Variants in FOXP1 observed in about 807,000 individuals in gnomAD.
FOXP1 encodes the protein forkhead box P1, also known as forkhead box protein P1.
In FOXP1, 15 loss-of-function variants were observed where a neutral mutation model predicts 98.2. That is an observed-to-expected ratio of 0.15 (90% confidence interval 0.10 to 0.24). The LOEUF (loss-of-function observed/expected upper bound fraction) is 0.24. FOXP1 is among the 10% of genes least tolerant of loss of function. FOXP1 has a pLI of 1.00. For synonymous variants in FOXP1, 371 were observed against 314.5 expected (o/e 1.18, Z -1.90); for missense variants, 633 against 848.5 (o/e 0.75, Z 3.15).
intron 6 of FOXP1, among the ~76,000 whole-genome samples, chr3:71,179,116 A>C (rs1173709933): frequency 1.3e-5 from 2 of 148,868 alleles, no homozygotes; most frequent in Admixed American, 1.4e-4. Flanking sequence ...ACCATGTTGG[A>C]AGTTTCCTCT....
chr3:71,067,454 A>C (rs2052654816), intron 7 of FOXP1, among the ~76,000 whole-genome samples: 1 of 152,202 alleles, frequency 6.6e-6, no homozygotes, highest in Non-Finnish European at 1.5e-5. Context: ...GTCATTTTAG[A>C]AAAGCTGAAT....
intron 2 of FOXP1, among the ~76,000 whole-genome samples, chr3:71,578,873 C>T (rs1367333334): frequency 6.6e-6 from 1 of 152,150 alleles, no homozygotes; most frequent in Admixed American, 6.5e-5. Flanking sequence ...TTAACTTTTG[C>T]TATTATAAGT....
chr3:71,097,136 C>A (rs976539392), intron 7 of FOXP1, among the ~76,000 whole-genome samples: 1 of 152,156 alleles, frequency 6.6e-6, no homozygotes, highest in Non-Finnish European at 1.5e-5. Flanking sequence ...CATATCCAGT[C>A]ATCTAAAGCA....
rs2059982549 is a variant in FOXP1, at chr3:71,139,788, C to T, written c.181-27151G>A. ...CAGTCTGCATTTACTGAAACAGACT[C>T]TTTCGCTATTATGTGTTAAGGAATG... On this transcript the variant is annotated intron_variant, in intron 6 of 20. Transcript: ENST00000649528. Among the ~76,000 whole-genome samples the T allele has an allele frequency of 2.0e-5, 3 of 152,150 alleles. No individual in the cohort carries two copies. In the South Asian group the frequency reaches 6.2e-4, roughly 31 times the overall value.
intron 7 of FOXP1, among the ~76,000 whole-genome samples, chr3:71,064,457 A>G (rs994268190): frequency 2.6e-5 from 4 of 152,042 alleles, no homozygotes; most frequent in Admixed American, 2.0e-4. Context: ...GCAAACGAAA[A>G]AGAGAGAGAG....
chr3:71,151,568 C>A (rs1035222046), intron 6 of FOXP1, among the ~76,000 whole-genome samples: 5 of 152,008 alleles, frequency 3.3e-5, no homozygotes, highest in Admixed American at 6.6e-5. Flanking sequence ...AGGGATATAG[C>A]CACCTCTGCA....
intron 3 of FOXP1, among the ~76,000 whole-genome samples, chr3:71,484,343 T>A (rs1207783704): frequency 1.3e-5 from 2 of 152,136 alleles, no homozygotes; most frequent in African/African-American, 2.4e-5. Context: ...AAGTAAAAAC[T>A]CTAATACTTA....
intron 2 of FOXP1, among the ~76,000 whole-genome samples, chr3:71,533,530 G>T (rs1175265642): frequency 6.6e-6 from 1 of 152,108 alleles, no homozygotes; most frequent in Non-Finnish European, 1.5e-5. Context: ...TCTACAGTAA[G>T]CTCTGGTAGT....
chr3:71,527,133 T>C (rs2043454624), intron 2 of FOXP1, among the ~76,000 whole-genome samples: 1 of 152,050 alleles, frequency 6.6e-6, no homozygotes, highest in South Asian at 2.1e-4. Flanking sequence ...AGGCAAGGTA[T>C]CAGCTCCTAC....
intron 3 of FOXP1, among the ~76,000 whole-genome samples, chr3:71,370,472 T>C (rs1469447378): frequency 6.6e-6 from 1 of 152,160 alleles, no homozygotes; most frequent in Non-Finnish European, 1.5e-5. Flanking sequence ...CCTTTAGAAA[T>C]ATAATTATCC....
intron 2 of FOXP1, among the ~76,000 whole-genome samples, chr3:71,530,352 C>A (rs539295124): frequency 1.8e-4 from 27 of 152,216 alleles, no homozygotes; most frequent in Admixed American, 2.0e-4. Flanking sequence ...ACGTGATAAC[C>A]CAAAAGGCCC....
chr3:71,521,549 G>A (rs1252028908), intron 2 of FOXP1, among the ~76,000 whole-genome samples: 6 of 151,344 alleles, frequency 4.0e-5, no homozygotes, highest in Non-Finnish European at 1.5e-5. Flanking sequence ...GCAGGGGGAG[G>A]GGGGGGACCT....
At chr3:71,045,107 A>AACATTT (rs2048847292) in intron 10 of FOXP1, among the ~76,000 whole-genome samples, 1 of 152,208 alleles carries the variant, frequency 6.6e-6, no homozygotes, top group African/African-American at 2.4e-5. Context: ...TGACACCAGA[A>AACATTT]ATATTTATAT....
At chr3:71,032,885 G>A (rs1194843900) in intron 11 of FOXP1, among the ~76,000 whole-genome samples, 1 of 152,096 alleles carries the variant, frequency 6.6e-6, no homozygotes, top group East Asian at 1.9e-4. Flanking sequence ...CAAAGGGAAG[G>A]CCCTTGACTT....
intron 7 of FOXP1, among the ~76,000 whole-genome samples, chr3:71,112,137 C>T (rs1402276092): frequency 6.6e-6 from 1 of 151,768 alleles, no homozygotes; most frequent in Non-Finnish European, 1.5e-5. Context: ...GGGGGGTCGC[C>T]AAAATCTTCC....
intron 12 of FOXP1, among the ~76,000 whole-genome samples, chr3:71,004,067 G>A (rs1256435547): frequency 7.6e-6 from 1 of 130,794 alleles, no homozygotes; most frequent in Non-Finnish European, 1.6e-5. Context: ...CAGCATTGTG[G>A]ACTTTAAGTG....
chr3:71,514,616 T>G (rs1363676428), intron 2 of FOXP1, among the ~76,000 whole-genome samples: 1 of 152,246 alleles, frequency 6.6e-6, no homozygotes, highest in African/African-American at 2.4e-5. Flanking sequence ...GGAGTGGACA[T>G]TCTGTGAAGG....
At chr3:71,173,832 T>C (rs1329134805) in intron 6 of FOXP1, among the ~76,000 whole-genome samples, 1 of 152,082 alleles carries the variant, frequency 6.6e-6, no homozygotes, top group Non-Finnish European at 1.5e-5. Context: ...AAAACCACAA[T>C]GAAGGAAGCT....
At chr3:71,118,657 G>A (rs1361148662) in intron 6 of FOXP1, among the ~76,000 whole-genome samples, 2 of 152,106 alleles carry the variant, frequency 1.3e-5, no homozygotes, top group Non-Finnish European at 2.9e-5. Context: ...ATAGCCCGTG[G>A]ACCAAATTCG....
Sources: allele counts gnomAD v4.1 joint callset (sites outside exome capture counted in the v4.1 genomes callset), GRCh38; gene constraint gnomAD v4.1.1; transcripts MANE v1.5; gene names NCBI Gene and HGNC (gene_info 2026-07-23, HGNC 2026-07-21).